Variants in KLF12 observed in about 807,000 individuals in gnomAD.
The protein encoded by KLF12 is Krueppel-like factor 12.
Under a neutral mutation model 37.8 loss-of-function variants are expected in KLF12, and 9 were observed. The ratio of observed to expected loss-of-function variants is 0.24; its 90% confidence interval spans 0.14 to 0.42. The LOEUF (loss-of-function observed/expected upper bound fraction) is 0.42. Ranked by LOEUF, KLF12 falls within the 10% of genes least tolerant of loss-of-function variation. The pLI is 1.00. For missense variants in KLF12, 411 were observed against 516.0 expected (o/e 0.80, Z 1.97); for synonymous variants, 208 against 202.1 (o/e 1.03, Z -0.25).
intron 6 of KLF12, among the ~76,000 whole-genome samples, chr13:73,737,672 A>G (rs549417166): frequency 6.6e-6 from 1 of 152,318 alleles, no homozygotes; most frequent in Admixed American, 6.5e-5. Context: ...TTAATATAGA[A>G]CAGCAAGGCT....
At chr13:73,820,422 T>C (rs1001209052) in intron 4 of KLF12, among the ~76,000 whole-genome samples, 1 of 152,296 alleles carries the variant, frequency 6.6e-6, no homozygotes, top group African/African-American at 2.4e-5. Context: ...TCAAGACAGA[T>C]AGTGAGAGAA....
chr13:74,026,679 A>G (rs1892984323), intron 1 of KLF12, among the ~76,000 whole-genome samples: 1 of 152,240 alleles, frequency 6.6e-6, no homozygotes, highest in African/African-American at 2.4e-5. Context: ...TTCAAATATC[A>G]GTATCATTCA....
rs545292151 is a variant in KLF12, at chr13:73,898,429, T to TA, written c.123+45551dup. Reference sequence around the variant, plus strand: ...ACTAATCCAAAGCTGAAGACAGAGATAACCACTTCCTATTTAATGACAGTC... The same window carrying TA: ...ACTAATCCAAAGCTGAAGACAGAGATAAACCACTTCCTATTTAATGACAGTC... On this transcript the variant is annotated intron_variant, in intron 3 of 7. Transcript: ENST00000377669. 1.2e-3 allele frequency among the ~76,000 whole-genome samples: 179 copies of TA among 152,322 alleles called. 1 individual carries two copies. Among genetic ancestry groups the TA allele is most frequent in the African/African-American group, 4.0e-3 (167 of 41,572 alleles).
At chr13:74,159,872 G>T in the KLF12 span, among the ~76,000 whole-genome samples, 1 of 151,874 alleles carries the variant, frequency 6.6e-6, no homozygotes, top group Admixed American at 6.6e-5. Flanking sequence ...TACAAAAACT[G>T]CATGTCTGTG....
At chr13:73,799,127 G>C (rs1882150619) in intron 5 of KLF12, among the ~76,000 whole-genome samples, 1 of 152,178 alleles carries the variant, frequency 6.6e-6, no homozygotes, top group African/African-American at 2.4e-5. Flanking sequence ...GATGGAGTTG[G>C]AGGTCATTAT....
chr13:73,929,964 T>C (rs1248724708), intron 3 of KLF12, among the ~76,000 whole-genome samples: 1 of 152,098 alleles, frequency 6.6e-6, no homozygotes, highest in Non-Finnish European at 1.5e-5. Flanking sequence ...CATGTCAACA[T>C]GATAAATAAA....
At chr13:74,004,105 G>C (rs926841491) in intron 1 of KLF12, among the ~76,000 whole-genome samples, 13 of 152,128 alleles carry the variant, frequency 8.5e-5, no homozygotes, top group Non-Finnish European at 1.5e-4. Flanking sequence ...AAAACACCAG[G>C]TTTTTTAAAG....
intron 3 of KLF12, among the ~76,000 whole-genome samples, chr13:73,930,221 C>A (rs1325255122): frequency 6.6e-6 from 1 of 152,164 alleles, no homozygotes; most frequent in Non-Finnish European, 1.5e-5. Context: ...TTTTTCCCCA[C>A]CATTTAGAAA....
At chr13:74,249,846 C>CAG in the KLF12 span, among the ~76,000 whole-genome samples, 1 of 152,152 alleles carries the variant, frequency 6.6e-6, no homozygotes, top group Non-Finnish European at 1.5e-5. Context: ...TAAACAGAGT[C>CAG]AGTGGACACT....
At chr13:73,982,012 C>T (rs1328963827) in intron 2 of KLF12, among the ~76,000 whole-genome samples, 2 of 152,088 alleles carry the variant, frequency 1.3e-5, no homozygotes, top group Non-Finnish European at 2.9e-5. Flanking sequence ...TCATGGCTTA[C>T]AACTTACACA....
At chr13:74,078,044 T>C (rs1014679356) in intron 1 of KLF12, among the ~76,000 whole-genome samples, 11 of 152,302 alleles carry the variant, frequency 7.2e-5, no homozygotes, top group African/African-American at 2.4e-4. Context: ...TTTTGTAATA[T>C]TGCAGCGACT....
chr13:74,251,120 A>G, the KLF12 span, among the ~76,000 whole-genome samples: 1 of 151,870 alleles, frequency 6.6e-6, no homozygotes, highest in Non-Finnish European at 1.5e-5. Context: ...AATCTCGTGA[A>G]CTCATTGTAC....
At chr13:73,798,961 T>C (rs1006472303) in intron 5 of KLF12, among the ~76,000 whole-genome samples, 10 of 152,068 alleles carry the variant, frequency 6.6e-5, no homozygotes, top group Non-Finnish European at 1.2e-4. Flanking sequence ...CACCTGCATG[T>C]GAATGTTCAC....
chr13:74,109,225 T>G (rs897427760), intron 1 of KLF12, among the ~76,000 whole-genome samples: 2 of 152,062 alleles, frequency 1.3e-5, no homozygotes, highest in African/African-American at 4.8e-5. Flanking sequence ...CACATGGAAA[T>G]TTTTAACATA....
intron 6 of KLF12, among the ~76,000 whole-genome samples, chr13:73,753,288 G>A (rs1878914341): frequency 1.3e-5 from 2 of 152,082 alleles, no homozygotes. Flanking sequence ...AGGCCTTTGT[G>A]TGAGCTGTTT....
chr13:74,047,705 A>G (rs1364874037), intron 1 of KLF12, among the ~76,000 whole-genome samples: 1 of 152,228 alleles, frequency 6.6e-6, no homozygotes, highest in Admixed American at 6.5e-5. Flanking sequence ...AAAAATAAAT[A>G]AAGTAACCAA....
At chr13:74,233,440 G>A in the KLF12 span, among the ~76,000 whole-genome samples, 1 of 152,096 alleles carries the variant, frequency 6.6e-6, no homozygotes, top group Non-Finnish European at 1.5e-5. Context: ...CTCGGGACAA[G>A]TATTTCACGA....
the KLF12 span, among the ~76,000 whole-genome samples, chr13:74,283,757 A>G: frequency 1.3e-5 from 2 of 152,204 alleles, no homozygotes; most frequent in Non-Finnish European, 2.9e-5. Flanking sequence ...GAACTCTTAA[A>G]GAATTAAACC....
intron 1 of KLF12, among the ~76,000 whole-genome samples, chr13:74,070,020 A>G (rs1042926823): frequency 7.2e-5 from 11 of 152,220 alleles, no homozygotes; most frequent in Admixed American, 5.9e-4. Flanking sequence ...GAAGAGATCT[A>G]TTTAAGGACT....
Sources: gnomAD v4.1 joint callset for allele counts (sites outside exome capture counted in the v4.1 genomes callset) on GRCh38, gnomAD v4.1.1 for gene constraint, MANE v1.5 for transcripts, NCBI Gene and HGNC (gene_info 2026-07-23, HGNC 2026-07-21) for gene names.